NPIPB15: variants seen among roughly 807,000 people sequenced by gnomAD.
NPIPB15 encodes the protein nuclear pore complex-interacting protein family member B15.
NPIPB15 carries 5 observed loss-of-function variants against 35.9 expected under a neutral mutation model. The observed-to-expected ratio is 0.14, with a 90% CI of 0.07 to 0.29. The LOEUF (loss-of-function observed/expected upper bound fraction) is 0.29, where lower values mean the gene tolerates loss of function less well. Among genes scored for constraint, NPIPB15 ranks in the 10% least tolerant of loss-of-function variants. The pLI, the probability that NPIPB15 is intolerant of heterozygous loss-of-function variation, is 1.00. For missense variants in NPIPB15, 100 were observed against 506.1 expected (o/e 0.20, Z 7.70); for synonymous variants, 43 against 182.0 (o/e 0.24, Z 6.15).
intron 2 of NPIPB15, 187 bp from the exon 3 acceptor site, chr16:74,381,329 C>T: frequency 1.4e-6 from 1 of 714,584 alleles, no homozygotes; most frequent in South Asian, 2.0e-5. Context: ...AAAAACACTA[C>T]CAGCCATCTG....
intron 3 of NPIPB15, among the ~76,000 whole-genome samples, chr16:74,384,917 G>A (rs1255592263): frequency 6.6e-6 from 1 of 151,254 alleles, no homozygotes; most frequent in African/African-American, 2.4e-5. Flanking sequence ...CCGACCTCAG[G>A]TGATCCACCT....
intron 5 of NPIPB15, chr16:74,388,904 C>T: frequency 1.1e-6 from 1 of 941,968 alleles, no homozygotes; most frequent in Non-Finnish European, 1.3e-6. Flanking sequence ...CCAGTAAATG[C>T]AGAAATAGAA....
chr16:74,389,833 T>G lies in NPIPB15; in HGVS notation c.554T>G (p.Phe185Cys). 4.3e-6 allele frequency: 6 copies of G among 1,387,684 alleles called. No individual in the cohort carries two copies. Among genetic ancestry groups the G allele is most frequent in the Non-Finnish European group, 6.0e-6 (6 of 1,003,948 alleles). The allele number at this position is 1,387,684 out of a possible 1,614,324, so 86.0% of individuals were successfully genotyped here. The change falls in exon 6 of 8, where the codon TTT (phenylalanine) becomes TGT (cysteine). Residue 185 changes from phenylalanine (F) to cysteine (C), a missense_variant. Phe to Cys is a radical substitution (Grantham distance 205). Coordinates refer to ENST00000692376, the MANE Select transcript of NPIPB15 (RefSeq NM_001306094.2). Reference protein sequence around the residue: ...KRKTARKQKMFQRAQELRRRA... With the variant: ...KRKTARKQKMCQRAQELRRRA... ...GTGATTGTAATCCATAGGAAAATGT[T>G]TCAACGTGCGCAAGAGTTGCGGCGG... is the stretch of plus-strand genomic sequence containing the variant.
chr16:74,377,795 C>T (rs2011744073), intron 1 of NPIPB15, 157 bp from the exon 2 acceptor site: 1 of 15,512 alleles, frequency 6.4e-5, no homozygotes, highest in African/African-American at 2.6e-4. Flanking sequence ...CCCTTCCCCT[C>T]CCCTCCCCCT....
intron 2 of NPIPB15, among the ~76,000 whole-genome samples, chr16:74,379,047 G>A (rs113349632): frequency 2.4e-4 from 37 of 152,022 alleles, no homozygotes; most frequent in African/African-American, 7.5e-4. Flanking sequence ...TGATCCGCCC[G>A]CCTTGGCCTC....
chr16:74,382,820 T>A (rs1256017123), intron 3 of NPIPB15, among the ~76,000 whole-genome samples: 1 of 151,610 alleles, frequency 6.6e-6, no homozygotes, highest in Admixed American at 6.6e-5. Flanking sequence ...AGAAAATATA[T>A]GAGTTATGAA....
intron 2 of NPIPB15, among the ~76,000 whole-genome samples, chr16:74,379,007 T>G (rs1192987357): frequency 6.6e-6 from 1 of 152,050 alleles, no homozygotes; most frequent in Non-Finnish European, 1.5e-5. Flanking sequence ...TCCATGTTGG[T>G]CAGGCTGGTT....
At chr16:74,378,546 C>T (rs1416667303) in intron 2 of NPIPB15, among the ~76,000 whole-genome samples, 1 of 148,072 alleles carries the variant, frequency 6.8e-6, no homozygotes, top group Non-Finnish European at 1.5e-5. Context: ...CCTGCCTCAG[C>T]CTCCTGAGTA....
intron 2 of NPIPB15, among the ~76,000 whole-genome samples, chr16:74,379,110 C>G (rs1203068930): frequency 1.3e-5 from 2 of 152,372 alleles, no homozygotes; most frequent in East Asian, 1.9e-4. Flanking sequence ...AAGATCTACA[C>G]TATTATGTCA....
At chr16:74,384,668 A>AT (rs1186582416) in intron 3 of NPIPB15, among the ~76,000 whole-genome samples, 3,837 of 61,282 alleles carry the variant, frequency 0.063, 571 homozygotes, top group Non-Finnish European at 0.09. Flanking sequence ...CACCTGGCCT[A>AT]TTTTTTTTTT....
At chr16:74,384,614 G>A (rs1266000924) in intron 3 of NPIPB15, among the ~76,000 whole-genome samples, 10 of 143,926 alleles carry the variant, frequency 6.9e-5, no homozygotes, top group Middle Eastern at 3.4e-3. Flanking sequence ...TGATTCACCC[G>A]CCTCAGCCTC....
chr16:74,378,062 G>C (rs771600061), intron 2 of NPIPB15, 23 bp downstream of exon 2: 2 of 1,608,664 alleles, frequency 1.2e-6, no homozygotes, highest in African/African-American at 1.3e-5. Flanking sequence ...TGGACCCGCC[G>C]GGTTTCTTCC....
chr16:74,385,049 C>G (rs865812774), intron 3 of NPIPB15, among the ~76,000 whole-genome samples: 3 of 144,196 alleles, frequency 2.1e-5, no homozygotes, highest in Non-Finnish European at 3.0e-5. Context: ...GAGTCTCATT[C>G]TGTCGCTCAG....
chr16:74,385,976 T>C (rs1316848222), intron 5 of NPIPB15, among the ~76,000 whole-genome samples: 1 of 133,570 alleles, frequency 7.5e-6, no homozygotes, highest in African/African-American at 2.7e-5. Context: ...AGTACTGGCA[T>C]TGGTTTTCCT....
intron 7 of NPIPB15, chr16:74,390,820 C>T (rs1471860176): frequency 8.0e-6 from 1 of 125,382 alleles, no homozygotes; most frequent in Non-Finnish European, 1.5e-5. Context: ...CACAATTTCT[C>T]CTTCCTCTGG....
chr16:74,382,906 C>CTTTTTTTT (rs1207851456), intron 3 of NPIPB15, among the ~76,000 whole-genome samples: 96 of 115,694 alleles, frequency 8.3e-4, no homozygotes, highest in East Asian at 2.2e-3. Context: ...TTGGAGGAAG[C>CTTTTTTTT]TTTTTTTTTT....
In NPIPB15 at chr16:74,376,389, G is replaced by C. The variant is rs2011666837; in HGVS notation, c.-980G>C. Reference sequence around the variant, plus strand: ...TCAGCTGAGGACAGGGCCAGGAAAGGTGATGGACAGTGGGGGTCTGTCCTG... The same window carrying C: ...TCAGCTGAGGACAGGGCCAGGAAAGCTGATGGACAGTGGGGGTCTGTCCTG... On this transcript the variant is annotated 5_prime_UTR_variant, in exon 1 of 8. Transcript: ENST00000692376. Among the ~76,000 whole-genome samples, 1 of 151,488 alleles carries C rather than the reference G, an allele frequency of 6.6e-6. No homozygotes were observed. Among genetic ancestry groups the C allele is most frequent in the African/African-American group, 2.4e-5 (1 of 41,184 alleles).
At chr16:74,379,295 C>T (rs2011853943) in intron 2 of NPIPB15, among the ~76,000 whole-genome samples, 1 of 152,154 alleles carries the variant, frequency 6.6e-6, no homozygotes, top group Non-Finnish European at 1.5e-5. Context: ...TTGTATGGTT[C>T]TCTAACTCCA....
In NPIPB15 at chr16:74,384,668, A is replaced by ATTTTTTT. The variant is rs1186582416; in HGVS notation, c.250-651_250-645dup. ...AGGCGTGAGCTACCGCACCTGGCCTATTTTTTTTTTTTTTTTTTTTTTTTT... is the reference window on the plus strand; with the variant it reads ...AGGCGTGAGCTACCGCACCTGGCCTATTTTTTTTTTTTTTTTTTTTTTTTTTTTTTTT... On this transcript the variant is annotated intron_variant, in intron 3 of 7. Coordinates refer to ENST00000692376, the MANE Select transcript of NPIPB15 (RefSeq NM_001306094.2). Among the ~76,000 whole-genome samples the ATTTTTTT allele has an allele frequency of 3.2e-3, 198 of 61,552 alleles. 24 individuals carry two copies. The highest frequency in any genetic ancestry group is 4.5e-3 in the Non-Finnish European group (151 of 33,488). The allele number at this position is 61,552 out of a possible 152,430, so 40.4% of individuals were successfully genotyped here. A position where few individuals can be genotyped will look rare whatever the true frequency, so the allele number is the denominator to read the frequency against.
Sources: gnomAD v4.1 joint callset for allele counts (sites outside exome capture counted in the v4.1 genomes callset) on GRCh38, gnomAD v4.1.1 for gene constraint, MANE v1.5 for transcripts, NCBI Gene and HGNC (gene_info 2026-07-23, HGNC 2026-07-21) for gene names.